The following SMARCD3 variants were observed in gnomAD, a reference collection of about 807,000 sequenced individuals.
The protein encoded by SMARCD3 is SWI/SNF related BAF chromatin remodeling complex subunit D3.
In SMARCD3, 14 loss-of-function variants were observed where a neutral mutation model predicts 58.0. That is an observed-to-expected ratio of 0.24 (90% CI 0.16 to 0.38). The LOEUF (loss-of-function observed/expected upper bound fraction) is 0.38. Ranked by LOEUF, SMARCD3 falls within the 10% of genes least tolerant of loss-of-function variation. SMARCD3 has a pLI of 1.00. For synonymous variants in SMARCD3, 253 were observed against 253.8 expected (o/e 1.00, Z 0.03); for missense variants, 408 against 636.9 (o/e 0.64, Z 3.87).
In SMARCD3 at chr7:151,239,215, T is replaced by C; in HGVS notation, c.1399-59A>G. On this transcript the variant is annotated intron_variant, in intron 12 of 12. Coordinates refer to ENST00000262188, the MANE Select transcript of SMARCD3 (RefSeq NM_001003801.2). This position sits in a 1 kb window ranked among gnomAD's most constrained non-coding sequence, Gnocchi z 7.0. Reference sequence around the variant, plus strand: ...GTGTTCTGGTGAGTGATCAGGACAATCCCACCTACTGACACCGCCTGCCCT... The same window carrying C: ...GTGTTCTGGTGAGTGATCAGGACAACCCCACCTACTGACACCGCCTGCCCT... 1 of 1,562,650 alleles carries C rather than the reference T, an allele frequency of 6.4e-7. No homozygotes were observed. The highest frequency in any genetic ancestry group is 8.8e-7 in the Non-Finnish European group (1 of 1,133,362).
At position 151,242,540 on chromosome 7, in the gene SMARCD3, C is replaced by T; in HGVS notation, c.520G>A (p.Asp174Asn). ...CAGGAGGCAATGCTGCCGTCGGAATCCTCAGCATCAGGCTTCGCAGGGTTA... is the reference window on the plus strand; with the variant it reads ...CAGGAGGCAATGCTGCCGTCGGAATTCTCAGCATCAGGCTTCGCAGGGTTA... ...TFNPAKPDAE[D>N]SDGSIASWEL... The change falls in exon 5 of 13, where the codon GAT becomes AAT. Residue 174 changes from aspartate to asparagine, a missense_variant. Physicochemically the swap from Asp to Asn is conservative, Grantham distance 23. This residue lies in a region of SMARCD3 where 128 missense variants were observed against 188.8 expected (regional missense o/e 0.68). Transcript: ENST00000262188. This position sits in a 1 kb window ranked among gnomAD's most constrained non-coding sequence, Gnocchi z 4.7. 6.2e-7 allele frequency: 1 copy of T among 1,614,142 alleles called. No individual in the cohort carries two copies. The highest frequency in any genetic ancestry group is 8.5e-7 in the Non-Finnish European group (1 of 1,180,016).
intron 2 of SMARCD3, among the ~76,000 whole-genome samples, chr7:151,266,218 C>A (rs1804073899): frequency 1.3e-5 from 2 of 152,184 alleles, no homozygotes; most frequent in African/African-American, 4.8e-5. Flanking sequence ...GATCCACCCA[C>A]CTCAGCCTCC....
chr7:151,249,085 G>GA, upstream of SMARCD3: 1 of 151,986 alleles, frequency 6.6e-6, no homozygotes. The surrounding 1 kb of genome is among the most constrained non-coding windows in gnomAD (Gnocchi z 4.8). Flanking sequence ...GCCAGGCAGG[G>GA]AACAGTCAGT....
intron 2 of SMARCD3, among the ~76,000 whole-genome samples, chr7:151,270,766 C>A (rs990987705): frequency 1.3e-5 from 2 of 152,146 alleles, no homozygotes; most frequent in Non-Finnish European, 2.9e-5. Context: ...TTTAGGAAGC[C>A]CATTCTCGTT....
upstream of SMARCD3, among the ~76,000 whole-genome samples, chr7:151,249,933 G>A (rs531765766): frequency 4.3e-3 from 1 of 230 alleles, no homozygotes; most frequent in Admixed American, 0.1. The surrounding 1 kb of genome is among the most constrained non-coding windows in gnomAD (Gnocchi z 4.8). Context: ...TCTCCTTCTT[G>A]GGGAGGAGCC....
chr7:151,260,476 T>A, intron 2 of SMARCD3, among the ~76,000 whole-genome samples: 1 of 152,226 alleles, frequency 6.6e-6, no homozygotes, highest in South Asian at 2.1e-4. Context: ...TGTGGAAATA[T>A]TACTTTTTAG....
In SMARCD3 at chr7:151,241,937, C is replaced by T. The variant is rs1192697248; in HGVS notation, c.717G>A (p.Gln239=). 2 of 1,612,908 alleles carry T rather than the reference C, an allele frequency of 1.2e-6. No individual in the cohort carries two copies. The highest frequency in any genetic ancestry group is 1.3e-5 in the African/African-American group (1 of 74,920). Residue 239 remains glutamine (Q), a synonymous_variant, in exon 7 of 13, where the codon CAG becomes CAA. Transcript: ENST00000262188. This position sits in a 1 kb window ranked among gnomAD's most constrained non-coding sequence, Gnocchi z 5.3. The part of the protein sequence containing the change: ...TPTTQETDGF[Q]VKRPGDLSVR... ...CACTCAGGTCCCCAGGCCGTTTCAC[C>T]TGGAAGCCGTCCGTCTCCTGGGTCG...
At chr7:151,240,375 C>G in intron 9 of SMARCD3, 50 bp downstream of exon 9, 1 of 1,578,766 alleles carries the variant, frequency 6.3e-7, no homozygotes, top group South Asian at 1.1e-5. Flanking sequence ...GCAGGGAAGG[C>G]AGGAACGAGA....
upstream of SMARCD3, among the ~76,000 whole-genome samples, chr7:151,252,919 A>G (rs1280682909): frequency 1.3e-5 from 2 of 152,166 alleles, no homozygotes; most frequent in East Asian, 3.8e-4. Context: ...CACTTTTGCA[A>G]ACATACACGA....
In SMARCD3 at chr7:151,239,237, C is replaced by T. The variant is rs150921059; in HGVS notation, c.1399-81G>A. The T allele has an allele frequency of 9.1e-5, 135 of 1,489,286 alleles. 1 individual carries two copies. In the African/African-American group the frequency reaches 1.8e-3, roughly 20 times the overall value. 92.3% of individuals were successfully genotyped at this position (1,489,286 alleles called of 1,614,324 possible). On this transcript the variant is annotated intron_variant, in intron 12 of 12. Transcript: ENST00000262188. The surrounding 1 kb of genome is among the most constrained non-coding windows in gnomAD (Gnocchi z 7.0). Reference sequence around the variant, plus strand: ...CAATCCCACCTACTGACACCGCCTGCCCTGAAAGAGCATCTGGGAGCAGGG... The same window carrying T: ...CAATCCCACCTACTGACACCGCCTGTCCTGAAAGAGCATCTGGGAGCAGGG...
chr7:151,259,178 C>T (rs1803814457), intron 2 of SMARCD3, among the ~76,000 whole-genome samples: 1 of 151,898 alleles, frequency 6.6e-6, no homozygotes, highest in African/African-American at 2.4e-5. Context: ...ATGGTGAAAC[C>T]CCGTCTCTAC....
rs1206012881 is a variant in SMARCD3 at position 151,248,297 on chromosome 7, G to T, written c.78+188C>A. ...CCCTTCCCCGCCTCGCGTCAGACCCGGCCGGCCGCCTGGCGACGTGTTCGG... is the reference window on the plus strand; with the variant it reads ...CCCTTCCCCGCCTCGCGTCAGACCCTGCCGGCCGCCTGGCGACGTGTTCGG... On this transcript the variant is annotated intron_variant, in intron 1 of 12. Transcript: ENST00000262188. The surrounding 1 kb of genome is among the most constrained non-coding windows in gnomAD (Gnocchi z 6.1). Among the ~76,000 whole-genome samples, 2 of 119,512 alleles carry T rather than the reference G, an allele frequency of 1.7e-5. No individual in the cohort carries two copies. The highest frequency in any genetic ancestry group is 3.0e-4 in the South Asian group (1 of 3,308). The allele number at this position is 119,512 out of a possible 152,430, so 78.4% of individuals were successfully genotyped here.
intron 2 of SMARCD3, among the ~76,000 whole-genome samples, chr7:151,270,673 G>A (rs1028326588): frequency 6.6e-6 from 1 of 152,160 alleles, no homozygotes; most frequent in South Asian, 2.1e-4. Context: ...GGAGGTGCAG[G>A]GAACAGCATG....
intron 2 of SMARCD3, among the ~76,000 whole-genome samples, chr7:151,256,828 G>A (rs1803715606): frequency 6.6e-6 from 1 of 151,998 alleles, no homozygotes; most frequent in Non-Finnish European, 1.5e-5. Flanking sequence ...CCCTCTGCCT[G>A]CCAGCAGCTG....
At chr7:151,251,529 G>T (rs576751689), upstream of SMARCD3, among the ~76,000 whole-genome samples, 676 of 152,270 alleles carry the variant, frequency 4.4e-3, 2 homozygotes, top group African/African-American at 0.016. Context: ...TGGGGGCCCG[G>T]GCCAGGGCTC....
chr7:151,270,771 C>G (rs1795151483), intron 2 of SMARCD3, among the ~76,000 whole-genome samples: 1 of 152,172 alleles, frequency 6.6e-6, no homozygotes, highest in South Asian at 2.1e-4. Flanking sequence ...GAAGCCCATT[C>G]TCGTTACTGT....
Position 151,239,386 on chromosome 7 carries a change from C to G in SMARCD3, c.1398+10G>C. ...GATGGGGAAGCCTCAGGGCAAGGGT[C>G]CCTGCATACCTTGCAGTAGAAGTAG... On this transcript the variant is annotated intron_variant, in intron 12 of 12. Coordinates refer to ENST00000262188, the MANE Select transcript of SMARCD3 (RefSeq NM_001003801.2). The surrounding 1 kb of genome is among the most constrained non-coding windows in gnomAD (Gnocchi z 7.0). 6.3e-7 allele frequency: 1 copy of G among 1,597,492 alleles called. No individual in the cohort carries two copies. Among genetic ancestry groups the G allele is most frequent in the Admixed American group, 1.7e-5 (1 of 59,984 alleles).
In SMARCD3 at chr7:151,241,155, G is replaced by A. The variant is rs552633261; in HGVS notation, c.939+337C>T. On this transcript the variant is annotated intron_variant, in intron 8 of 12. Transcript: ENST00000262188. This position sits in a 1 kb window ranked among gnomAD's most constrained non-coding sequence, Gnocchi z 5.3. ...AGGAAACAAGGTTCAGAATCGCTGA[G>A]TCACTTACCCAGAGTCCAGACTCAG... 8.0e-6 allele frequency: 3 copies of A among 375,212 alleles called. No homozygotes were observed. The highest frequency in any genetic ancestry group is 6.2e-5 in the African/African-American group (3 of 48,336). The allele number at this position is 375,212 out of a possible 1,614,324, so 23.2% of individuals were successfully genotyped here.
chr7:151,252,238 G>A (rs1365524819), upstream of SMARCD3, among the ~76,000 whole-genome samples: 1 of 152,176 alleles, frequency 6.6e-6, no homozygotes, highest in Non-Finnish European at 1.5e-5. Context: ...GGGCTGGAAG[G>A]AGAGAAGAGA....
Sources: allele counts gnomAD v4.1 joint callset (sites outside exome capture counted in the v4.1 genomes callset), GRCh38; gene constraint gnomAD v4.1.1; regional missense constraint gnomAD v4.1.1; non-coding constraint Gnocchi (gnomAD v3.1); transcripts MANE v1.5; gene names NCBI Gene and HGNC (gene_info 2026-07-23, HGNC 2026-07-21).